Variants in IGF1R observed in about 807,000 individuals in gnomAD.
IGF1R encodes the protein insulin like growth factor 1 receptor, also known as insulin-like growth factor 1 receptor.
Under a neutral mutation model 144.6 loss-of-function variants are expected in IGF1R, and 44 were observed. That is an observed-to-expected ratio of 0.30 (90% CI 0.24 to 0.39). The LOEUF is 0.39. Among genes scored for constraint, IGF1R ranks in the 10% least tolerant of loss-of-function variants. IGF1R has a pLI of 1.00. For synonymous variants in IGF1R, 795 were observed against 722.8 expected, an observed-to-expected ratio of 1.10 and a Z score of -1.60; for missense variants, 1,355 against 1,833.7, an observed-to-expected ratio of 0.74 and a Z score of 4.77.
At chr15:98,808,324 G>GT (rs948095561) in intron 2 of IGF1R, among the ~76,000 whole-genome samples, 7 of 152,192 alleles carry the variant, frequency 4.6e-5, no homozygotes, top group Admixed American at 6.5e-5. Flanking sequence ...TTATTTGTCA[G>GT]TATCTTTATC....
intron 1 of IGF1R, among the ~76,000 whole-genome samples, chr15:98,663,768 C>T (rs1464489321): frequency 6.6e-6 from 1 of 152,198 alleles, no homozygotes; most frequent in Non-Finnish European, 1.5e-5. Context: ...GCGGTGGCCC[C>T]CGCTACCCTG....
intron 2 of IGF1R, among the ~76,000 whole-genome samples, chr15:98,739,826 A>C (rs1212862439): frequency 6.6e-6 from 1 of 152,186 alleles, no homozygotes; most frequent in African/African-American, 2.4e-5. Context: ...TCCTGAGCTC[A>C]AGCAGTCTGC....
intron 2 of IGF1R, among the ~76,000 whole-genome samples, chr15:98,727,382 T>C (rs1336134469): frequency 6.6e-6 from 1 of 152,202 alleles, no homozygotes; most frequent in Admixed American, 6.5e-5. Flanking sequence ...GGTTTACATT[T>C]TTTTTTTCTT....
intron 2 of IGF1R, among the ~76,000 whole-genome samples, chr15:98,887,423 A>G (rs1274318165): frequency 7.7e-6 from 1 of 129,502 alleles, no homozygotes; most frequent in African/African-American, 3.2e-5. Flanking sequence ...GTTCTTTTCA[A>G]CGTTCTTATT....
At chr15:98,847,817 A>G (rs188168289) in intron 2 of IGF1R, among the ~76,000 whole-genome samples, 1 of 152,308 alleles carries the variant, frequency 6.6e-6, no homozygotes, top group African/African-American at 2.4e-5. Context: ...GAAGTTAGGG[A>G]TGTGAAAGGT....
At chr15:98,749,887 CTTT>C (rs57470280) in intron 2 of IGF1R, among the ~76,000 whole-genome samples, 339 of 138,014 alleles carry the variant, frequency 2.5e-3, no homozygotes, top group South Asian at 3.5e-3. Flanking sequence ...TATTTTTAGG[CTTT>C]TTTTTTTTTT....
intron 2 of IGF1R, among the ~76,000 whole-genome samples, chr15:98,852,539 T>C (rs1596360162): frequency 6.7e-6 from 1 of 150,258 alleles, no homozygotes. Context: ...GCAGCAGGAG[T>C]ATTAGGGAGG....
chr15:98,786,236 C>G (rs2055991676), intron 2 of IGF1R, among the ~76,000 whole-genome samples: 1 of 152,186 alleles, frequency 6.6e-6, no homozygotes, highest in Non-Finnish European at 1.5e-5. Context: ...TGTTTGAAGC[C>G]AGGACACTTA....
Position 98,818,408 on chromosome 15 carries a change from T to C in IGF1R, c.641-72917T>C, listed in dbSNP as rs530953065. Among the ~76,000 whole-genome samples the C allele has an allele frequency of 1.1e-4, 17 of 152,244 alleles. No homozygotes were observed. In the South Asian group the frequency reaches 3.5e-3, roughly 32 times the overall value. On this transcript the variant is annotated intron_variant, in intron 2 of 20. Transcript: ENST00000650285. ...ACACTGATTTCTACAACAGTCAGTCTAGCTGCTGGGTGGAGAAGGGGAGAA... is the reference window on the plus strand; with the variant it reads ...ACACTGATTTCTACAACAGTCAGTCCAGCTGCTGGGTGGAGAAGGGGAGAA...
chr15:98,948,760 C>T, intron 20 of IGF1R, 52 bp downstream of exon 20: 1 of 1,597,734 alleles, frequency 6.3e-7, no homozygotes. Flanking sequence ...TCTCAAATAC[C>T]TGTTTTCTTG....
chr15:98,861,342 A>G (rs1211888637), intron 2 of IGF1R, among the ~76,000 whole-genome samples: 1 of 151,958 alleles, frequency 6.6e-6, no homozygotes, highest in African/African-American at 2.4e-5. Flanking sequence ...CTCCCCTCCT[A>G]CTATTAGCTC....
intron 1 of IGF1R, among the ~76,000 whole-genome samples, chr15:98,693,313 G>T (rs2053521841): frequency 6.6e-6 from 1 of 152,152 alleles, no homozygotes; most frequent in Non-Finnish European, 1.5e-5. Context: ...CATGTAGAGG[G>T]GCAAGATTTA....
chr15:98,780,473 C>T (rs1008318252), intron 2 of IGF1R, among the ~76,000 whole-genome samples: 4 of 144,306 alleles, frequency 2.8e-5, no homozygotes, highest in Non-Finnish European at 4.5e-5. Context: ...CGCTTGAACC[C>T]GGGAGGTGGA....
At chr15:98,914,586 A>G (rs4966039) in intron 8 of IGF1R, among the ~76,000 whole-genome samples, 29,039 of 152,168 alleles carry the variant, frequency 0.19, 3,115 homozygotes, top group South Asian at 0.35. Context: ...GTTCAGTGCA[A>G]CAGAAGAAGT....
intron 2 of IGF1R, among the ~76,000 whole-genome samples, chr15:98,869,713 G>A (rs945275361): frequency 3.3e-5 from 5 of 152,178 alleles, no homozygotes; most frequent in African/African-American, 1.2e-4. Context: ...GGGATTACAG[G>A]CATGAACCAC....
chr15:98,705,045 C>CAGAT (rs4068558), intron 1 of IGF1R, among the ~76,000 whole-genome samples: 134,541 of 151,846 alleles, frequency 0.89, 59,787 homozygotes, highest in Non-Finnish European at 0.92. Flanking sequence ...TGGATATACT[C>CAGAT]GGATGTATAC....
chr15:98,939,084 G>A (rs2151713449), intron 17 of IGF1R, 117 bp from the exon 18 acceptor site: 5 of 816,582 alleles, frequency 6.1e-6, no homozygotes, highest in Non-Finnish European at 4.1e-6. Flanking sequence ...TGGTTTCTTA[G>A]CATAAACAAC....
intron 2 of IGF1R, among the ~76,000 whole-genome samples, chr15:98,819,408 C>A (rs925809259): frequency 6.6e-6 from 1 of 152,154 alleles, no homozygotes; most frequent in East Asian, 1.9e-4. Context: ...GGGATTAAAT[C>A]GTGAGGGTGG....
chr15:98,676,045 G>T (rs28647587), intron 1 of IGF1R, among the ~76,000 whole-genome samples: 1 of 151,414 alleles, frequency 6.6e-6, no homozygotes, highest in Non-Finnish European at 1.5e-5. Flanking sequence ...GGCCTGGCTG[G>T]TGTTGAACTC....
Sources: allele counts gnomAD v4.1 joint callset (sites outside exome capture counted in the v4.1 genomes callset), GRCh38; gene constraint gnomAD v4.1.1; transcripts MANE v1.5; gene names NCBI Gene and HGNC (gene_info 2026-07-23, HGNC 2026-07-21).